Variants in COA1 observed in about 807,000 individuals in gnomAD.
COA1 encodes cytochrome c oxidase assembly factor 1.
In COA1, 13 loss-of-function variants were observed where a neutral mutation model predicts 16.0. The ratio of observed to expected loss-of-function variants is 0.81; its 90% CI spans 0.53 to 1.29. COA1 has a LOEUF of 1.29. COA1 is among the 50% of genes most tolerant of loss of function. COA1 has a pLI of 0.00. For missense variants in COA1, 179 were observed against 177.0 expected (o/e 1.01, Z -0.06); for synonymous variants, 65 against 65.7 (o/e 0.99, Z 0.05).
chr7:43,676,332 A>G (rs1367948513), intron 1 of COA1, among the ~76,000 whole-genome samples: 1 of 152,162 alleles, frequency 6.6e-6, no homozygotes, highest in Non-Finnish European at 1.5e-5. Context: ...ACAATAGCCA[A>G]GATATGGAAT....
intron 2 of COA1, 58 bp from the exon 3 acceptor site, chr7:43,647,692 T>G: frequency 7.2e-7 from 1 of 1,388,962 alleles, no homozygotes; most frequent in South Asian, 1.2e-5. Flanking sequence ...CCAAGGGGAT[T>G]TGCCCGGCTT....
chr7:43,691,196 C>T (rs1378555671), intron 1 of COA1, among the ~76,000 whole-genome samples: 1 of 146,066 alleles, frequency 6.8e-6, no homozygotes. Flanking sequence ...CTGCAGTGAG[C>T]GATAATCATG....
intron 1 of COA1, among the ~76,000 whole-genome samples, chr7:43,679,524 G>A (rs1232864292): frequency 6.6e-6 from 1 of 152,102 alleles, no homozygotes; most frequent in African/African-American, 2.4e-5. Context: ...GAATCCTAAA[G>A]GGGCACATCC....
intron 1 of COA1, among the ~76,000 whole-genome samples, chr7:43,678,541 GA>G (rs1351370570): frequency 6.6e-6 from 1 of 152,000 alleles, no homozygotes; most frequent in Non-Finnish European, 1.5e-5. Flanking sequence ...CACAGTACTG[GA>G]AAAAATATTT....
intron 1 of COA1, among the ~76,000 whole-genome samples, chr7:43,671,745 G>A (rs2093278318): frequency 6.6e-6 from 1 of 152,172 alleles, no homozygotes; most frequent in Non-Finnish European, 1.5e-5. Context: ...GCAAGACCAG[G>A]TGGAGGTAAT....
chr7:43,624,438 T>G (rs2084263548), intron 6 of COA1: 2 of 1,329,098 alleles, frequency 1.5e-6, no homozygotes, highest in Non-Finnish European at 2.0e-6. Context: ...CAAAATATAA[T>G]GCAATAAATA....
chr7:43,669,668 C>T (rs2093134246), intron 1 of COA1, among the ~76,000 whole-genome samples: 1 of 151,948 alleles, frequency 6.6e-6, no homozygotes, highest in Non-Finnish European at 1.5e-5. Context: ...TCTCTTTGTT[C>T]GAATCGCCCC....
chr7:43,644,039 C>T (rs1563223937), intron 4 of COA1, among the ~76,000 whole-genome samples: 1 of 152,160 alleles, frequency 6.6e-6, no homozygotes, highest in Non-Finnish European at 1.5e-5. Flanking sequence ...GCCCCTCCTA[C>T]CTGCCCACAC....
chr7:43,670,465 T>A (rs887680862), intron 1 of COA1, among the ~76,000 whole-genome samples: 63 of 151,482 alleles, frequency 4.2e-4, no homozygotes, highest in African/African-American at 1.2e-3. Flanking sequence ...AAAAAAAAAA[T>A]TTTCATCATA....
chr7:43,665,750 T>A (rs532033984), intron 1 of COA1: 1 of 152,306 alleles, frequency 6.6e-6, no homozygotes, highest in South Asian at 2.1e-4. Context: ...GGAGAGAAAG[T>A]GAAAAGCCCA....
At chr7:43,684,907 T>G (rs1756880242) in intron 1 of COA1, among the ~76,000 whole-genome samples, 1 of 152,070 alleles carries the variant, frequency 6.6e-6, no homozygotes, top group Non-Finnish European at 1.5e-5. Context: ...TATCTTCACA[T>G]TCATCTCCCT....
At chr7:43,641,950 T>A (rs540548654) in intron 4 of COA1, 1 of 152,254 alleles carries the variant, frequency 6.6e-6, no homozygotes, top group East Asian at 1.9e-4. Context: ...TCCTGTGTCC[T>A]CGGTGATGGC....
intron 5 of COA1, 78 bp downstream of exon 5, chr7:43,640,495 A>C: frequency 9.9e-7 from 1 of 1,013,666 alleles, no homozygotes; most frequent in Non-Finnish European, 1.5e-6. Flanking sequence ...TTTAACAACA[A>C]ATGAAAACGG....
exon 7 of COA1, chr7:43,608,981 G>A (rs1053360052): frequency 2.0e-5 from 3 of 152,316 alleles, no homozygotes; most frequent in African/African-American, 7.2e-5. Flanking sequence ...AGGCGGAGAA[G>A]AGGAAGGAAA....
At chr7:43,671,346 GA>G (rs537178869) in intron 1 of COA1, among the ~76,000 whole-genome samples, 50 of 138,000 alleles carry the variant, frequency 3.6e-4, no homozygotes, top group Admixed American at 5.0e-4. Flanking sequence ...CACAGAAACG[GA>G]AAAAAAAAAA....
intron 1 of COA1, among the ~76,000 whole-genome samples, chr7:43,676,790 ATG>A (rs2093544349): frequency 6.6e-6 from 1 of 152,122 alleles, no homozygotes; most frequent in Non-Finnish European, 1.5e-5. Context: ...TACAATTAAT[ATG>A]TGTCAATTTA....
At chr7:43,725,444 C>G (rs2095596527) in intron 1 of COA1, among the ~76,000 whole-genome samples, 1 of 152,142 alleles carries the variant, frequency 6.6e-6, no homozygotes, top group Admixed American at 6.5e-5. Context: ...TAACTGGAAT[C>G]AAGCCAAGGG....
At chr7:43,645,422 T>C (rs890654779) in intron 3 of COA1, 23 bp from the exon 4 acceptor site, 4 of 1,611,560 alleles carry the variant, frequency 2.5e-6, no homozygotes, top group Admixed American at 3.3e-5. Context: ...GACACACTTA[T>C]TTTCTTTATT....
intron 1 of COA1, among the ~76,000 whole-genome samples, chr7:43,655,297 G>T (rs887454601): frequency 6.6e-6 from 1 of 152,030 alleles, no homozygotes; most frequent in South Asian, 2.1e-4. Flanking sequence ...AATATTAGCC[G>T]GGCATAGTGG....
Sources: allele counts gnomAD v4.1 joint callset (sites outside exome capture counted in the v4.1 genomes callset), GRCh38; gene constraint gnomAD v4.1.1; transcripts MANE v1.5; gene names NCBI Gene and HGNC (gene_info 2026-07-23, HGNC 2026-07-21).